Variants in RNMT observed in about 807,000 individuals in gnomAD.
The protein encoded by RNMT is RNA guanine-7 methyltransferase, also known as mRNA cap guanine-N(7) methyltransferase.
In RNMT, 27 loss-of-function variants were observed where a neutral mutation model predicts 56.0. The observed-to-expected ratio is 0.48, with a 90% CI of 0.36 to 0.67. RNMT has a LOEUF of 0.67. RNMT is among the 30% of genes least tolerant of loss of function. RNMT has a pLI of 0.00. For synonymous variants in RNMT, 184 were observed against 176.2 expected, an observed-to-expected ratio of 1.04 and a Z score of -0.35; for missense variants, 519 against 552.1, an observed-to-expected ratio of 0.94 and a Z score of 0.60.
chr18:13,742,794 T>A (rs550572732), intron 8 of RNMT, 142 bp downstream of exon 8: 212 of 483,054 alleles, frequency 4.4e-4, no homozygotes, highest in African/African-American at 1.8e-3. Flanking sequence ...TTTGTGTTTT[T>A]AAAAAAAAAA....
In RNMT at chr18:13,746,267, T is replaced by A; in HGVS notation, c.1187T>A (p.Leu396Gln). The A allele has an allele frequency of 1.9e-6, 3 of 1,577,822 alleles. No individual in the cohort carries two copies. Among genetic ancestry groups the A allele is most frequent in the Non-Finnish European group, 2.6e-6 (3 of 1,154,868 alleles). Residue 396 changes from leucine to glutamine, a missense_variant, in exon 9 of 12, where the codon CTG (leucine) becomes CAG (glutamine). By Grantham distance (113) the Leu-to-Gln change is moderately radical (BLOSUM62 -2). Coordinates refer to ENST00000383314, the MANE Select transcript of RNMT (RefSeq NM_003799.3). ...AAACTAGTCTACAAAAAAACATTTC[T>A]GGAATTCTACGAAGAAAAGATTAAG... ...NMKLVYKKTF[L>Q]EFYEEKIKNN... is the part of the protein sequence containing the mutation.
At chr18:13,756,243 A>G (rs973074079) in intron 11 of RNMT, among the ~76,000 whole-genome samples, 3 of 152,222 alleles carry the variant, frequency 2.0e-5, no homozygotes, top group African/African-American at 7.2e-5. Context: ...TTAAATCCCA[A>G]TTGAAATGCC....
At chr18:13,748,722 A>G (rs2044390550) in intron 9 of RNMT, among the ~76,000 whole-genome samples, 2 of 152,168 alleles carry the variant, frequency 1.3e-5, no homozygotes, top group South Asian at 4.1e-4. Context: ...ACCAGCAAAC[A>G]TATTCTAGGG....
intron 9 of RNMT, among the ~76,000 whole-genome samples, chr18:13,747,998 A>T (rs2044380348): frequency 6.6e-6 from 1 of 152,204 alleles, no homozygotes; most frequent in Non-Finnish European, 1.5e-5. Flanking sequence ...TGTGTAATGT[A>T]TGTCAAAATC....
chr18:13,737,228 A>C, intron 5 of RNMT, 93 bp downstream of exon 5: 1 of 1,124,250 alleles, frequency 8.9e-7, no homozygotes, highest in Non-Finnish European at 1.3e-6. Context: ...ATCTGGGACT[A>C]TGCATGAGAT....
chr18:13,762,006 C>T lies in RNMT; in HGVS notation c.*2027C>T, dbSNP rs2044626329. ...GCTAGTAGGACTCTTCCTTGACACACCTTGTCGTCTAAATGTTCGGTATTC... is the reference window on the plus strand; with the variant it reads ...GCTAGTAGGACTCTTCCTTGACACATCTTGTCGTCTAAATGTTCGGTATTC... On this transcript the variant is annotated 3_prime_UTR_variant, in exon 12 of 12. Coordinates refer to ENST00000383314, the MANE Select transcript of RNMT (RefSeq NM_003799.3). 6.5e-7 allele frequency: 1 copy of T among 1,535,766 alleles called. No homozygotes were observed.
intron 3 of RNMT, among the ~76,000 whole-genome samples, chr18:13,733,121 A>G (rs542784511): frequency 1.3e-5 from 2 of 152,004 alleles, no homozygotes; most frequent in Admixed American, 6.5e-5. Flanking sequence ...CCCTTTTTCA[A>G]CTGAAAATCT....
At chr18:13,742,097 G>C (rs928246191) in intron 7 of RNMT, among the ~76,000 whole-genome samples, 23 of 152,186 alleles carry the variant, frequency 1.5e-4, no homozygotes, top group African/African-American at 4.8e-4. Flanking sequence ...CTAGCACTTT[G>C]GGAGGCCAAG....
At chr18:13,751,606 C>T (rs2044448775) in intron 9 of RNMT, among the ~76,000 whole-genome samples, 1 of 152,184 alleles carries the variant, frequency 6.6e-6, no homozygotes, top group African/African-American at 2.4e-5. Flanking sequence ...ACCCAGCAAT[C>T]CCATTACTGG....
At chr18:13,751,840 CCAT>C (rs2044452821) in intron 9 of RNMT, among the ~76,000 whole-genome samples, 1 of 152,026 alleles carries the variant, frequency 6.6e-6, no homozygotes, top group Non-Finnish European at 1.5e-5. Context: ...AAGCTGAAAA[CCAT>C]CATTCTAAGC....
chr18:13,742,828 T>C, intron 8 of RNMT, 176 bp downstream of exon 8: 1 of 500,442 alleles, frequency 2.0e-6, no homozygotes. Context: ...TAGCTTCACA[T>C]CTAGGGGATT....
intron 1 of RNMT, among the ~76,000 whole-genome samples, chr18:13,728,350 G>A (rs1231082941): frequency 1.0e-5 from 1 of 99,502 alleles, no homozygotes; most frequent in Non-Finnish European, 1.8e-5. Context: ...GTGTGTGTGT[G>A]TGTGTGACGG....
intron 4 of RNMT, among the ~76,000 whole-genome samples, chr18:13,735,572 C>T (rs1021111636): frequency 6.6e-6 from 1 of 151,568 alleles, no homozygotes; most frequent in Non-Finnish European, 1.5e-5. Context: ...CTCTCTACCC[C>T]AGTCCTAATT....
intron 10 of RNMT, among the ~76,000 whole-genome samples, chr18:13,753,888 A>G (rs1033520629): frequency 1.3e-5 from 2 of 150,898 alleles, no homozygotes; most frequent in African/African-American, 4.9e-5. Flanking sequence ...TTGGATGAGA[A>G]TTTGAGAATT....
intron 4 of RNMT, among the ~76,000 whole-genome samples, chr18:13,735,590 A>G (rs550145776): frequency 1.4e-5 from 2 of 147,910 alleles, no homozygotes; most frequent in Admixed American, 6.8e-5. Flanking sequence ...ATTTCTTTTC[A>G]GCCTTTCTCT....
intron 8 of RNMT, among the ~76,000 whole-genome samples, chr18:13,744,159 C>CTTTTTTTTTCTTTTTTTTTTT (rs2044308585): frequency 1.1e-5 from 1 of 91,398 alleles, no homozygotes; most frequent in Non-Finnish European, 2.2e-5. Context: ...TAGCGGTCTT[C>CTTTTTTTTTCTTTTTTTTTTT]TTTTTTTTTT....
At chr18:13,748,980 G>C (rs2044396111) in intron 9 of RNMT, among the ~76,000 whole-genome samples, 2 of 152,182 alleles carry the variant, frequency 1.3e-5, no homozygotes, top group Admixed American at 6.5e-5. Context: ...TCAGGAGGCT[G>C]AGGCAGGAGA....
chr18:13,763,403 G>A lies in RNMT; in HGVS notation c.*3424G>A. The A allele has an allele frequency of 3.8e-6, 1 of 262,766 alleles. No homozygotes were observed. The highest frequency in any genetic ancestry group is 4.4e-5 in the South Asian group (1 of 22,636). The allele number at this position is 262,766 out of a possible 1,614,324, so 16.3% of individuals were successfully genotyped here. A position where few individuals can be genotyped will look rare whatever the true frequency, so the allele number is the denominator to read the frequency against. On this transcript the variant is annotated 3_prime_UTR_variant, in exon 12 of 12. Transcript: ENST00000383314. ...AAAGTCACCCCACTCCTTAGTGCCT[G>A]CACCTCACCACGATATTGAGGAAGC...
chr18:13,735,529 A>G (rs2044144085), intron 4 of RNMT, among the ~76,000 whole-genome samples: 1 of 143,848 alleles, frequency 7.0e-6, no homozygotes, highest in Admixed American at 7.0e-5. Context: ...AGATTAACGT[A>G]ATGGCATTTT....
Sources: allele counts gnomAD v4.1 joint callset (sites outside exome capture counted in the v4.1 genomes callset), GRCh38; gene constraint gnomAD v4.1.1; transcripts MANE v1.5; gene names NCBI Gene and HGNC (gene_info 2026-07-23, HGNC 2026-07-21).